RIT2: variants seen among roughly 807,000 people sequenced by gnomAD.
RIT2 encodes GTP-binding protein Rit2.
A neutral mutation model predicts 23.7 loss-of-function variants in RIT2; 24 were observed. The ratio of observed to expected loss-of-function variants is 1.01; its 90% CI spans 0.73 to 1.43. The LOEUF (loss-of-function observed/expected upper bound fraction) is 1.43. Among genes scored for constraint, RIT2 ranks in the 40% most tolerant of loss-of-function variants. RIT2 has a pLI of 0.00. For missense variants in RIT2, 236 were observed against 266.9 expected (o/e 0.88, Z 0.81); for synonymous variants, 107 against 91.1 (o/e 1.17, Z -0.99).
chr18:42,949,668 T>C (rs1224564550), intron 3 of RIT2, among the ~76,000 whole-genome samples: 1 of 152,124 alleles, frequency 6.6e-6, no homozygotes, highest in Non-Finnish European at 1.5e-5. Context: ...TCGTATTAGT[T>C]ACTCCACTTC....
At chr18:43,075,482 G>T (rs1912992684) in intron 1 of RIT2, among the ~76,000 whole-genome samples, 1 of 152,160 alleles carries the variant, frequency 6.6e-6, no homozygotes, top group Admixed American at 6.5e-5. Context: ...ACTGTGAGAG[G>T]CTTCGATACA....
chr18:42,803,169 G>A (rs778310081), intron 4 of RIT2, among the ~76,000 whole-genome samples: 10 of 152,102 alleles, frequency 6.6e-5, no homozygotes, highest in South Asian at 4.1e-4. Flanking sequence ...CGTATTTATC[G>A]TTAGTAAATT....
At chr18:42,881,572 G>A (rs920063881) in intron 4 of RIT2, among the ~76,000 whole-genome samples, 1 of 152,126 alleles carries the variant, frequency 6.6e-6, no homozygotes, top group African/African-American at 2.4e-5. Context: ...TGCATGAGGT[G>A]TTGTAGCAAA....
At chr18:43,109,024 T>A (rs2144250395) in intron 1 of RIT2, among the ~76,000 whole-genome samples, 1 of 152,354 alleles carries the variant, frequency 6.6e-6, no homozygotes, top group South Asian at 2.1e-4. Context: ...ATGATGCACT[T>A]GGTTGCTTGC....
intron 3 of RIT2, among the ~76,000 whole-genome samples, chr18:42,932,157 G>T (rs1038227019): frequency 1.2e-4 from 19 of 152,206 alleles, no homozygotes; most frequent in South Asian, 8.3e-4. Context: ...TGAGGAAAGT[G>T]GTCATTGGAG....
At chr18:42,762,239 T>C (rs1479370006) in intron 4 of RIT2, among the ~76,000 whole-genome samples, 2 of 152,214 alleles carry the variant, frequency 1.3e-5, no homozygotes, top group South Asian at 2.1e-4. Flanking sequence ...ATGGAAAATA[T>C]AGATCATGTC....
chr18:42,782,318 T>A (rs1202466689), intron 4 of RIT2, among the ~76,000 whole-genome samples: 2 of 152,170 alleles, frequency 1.3e-5, no homozygotes, highest in African/African-American at 4.8e-5. Context: ...TTCCTTAGTG[T>A]TATATAATAT....
intron 2 of RIT2, among the ~76,000 whole-genome samples, chr18:42,990,531 A>T (rs948159829): frequency 7.9e-5 from 12 of 152,126 alleles, no homozygotes; most frequent in African/African-American, 2.9e-4. Context: ...CTTCTACAAA[A>T]CCTTGGGCAT....
rs906699507 is a variant in RIT2, at chr18:42,968,403, A to G, written c.234+5671T>C. 3.3e-5 allele frequency among the ~76,000 whole-genome samples: 5 copies of G among 152,174 alleles called. No individual in the cohort carries two copies. The East Asian group carries it at 5.8e-4, about 18-fold the overall frequency. On this transcript the variant is annotated intron_variant, in intron 3 of 4. Transcript: ENST00000326695. Reference sequence around the variant, plus strand: ...GAAAATCAGGATTCATGCCAATCCTATTTGCAGTAATGTTAATAATAAATT... The same window carrying G: ...GAAAATCAGGATTCATGCCAATCCTGTTTGCAGTAATGTTAATAATAAATT...
chr18:42,910,122 G>A (rs1163762855), intron 4 of RIT2, among the ~76,000 whole-genome samples: 1 of 151,978 alleles, frequency 6.6e-6, no homozygotes, highest in East Asian at 1.9e-4. Context: ...CATCAAAATA[G>A]AATTCTAAAA....
rs1162402104 is a variant in RIT2, at chr18:43,103,239, A to AT, written c.103+12177dup. On this transcript the variant is annotated intron_variant, in intron 1 of 4. Transcript: ENST00000326695. ...AACTTTTAGAATATTGCTTAGTTTTATTTTACTACATATGCCCGGTGTCTT... is the reference window on the plus strand; with the variant it reads ...AACTTTTAGAATATTGCTTAGTTTTATTTTTACTACATATGCCCGGTGTCTT... Among the ~76,000 whole-genome samples, 9 of 152,082 alleles carry AT rather than the reference A, an allele frequency of 5.9e-5. No individual in the cohort carries two copies. The East Asian group carries it at 1.7e-3, about 29-fold the overall frequency.
At chr18:43,009,161 TAA>T (rs1182872875) in intron 2 of RIT2, among the ~76,000 whole-genome samples, 2 of 151,496 alleles carry the variant, frequency 1.3e-5, no homozygotes, top group African/African-American at 2.4e-5. Context: ...AAAACTTATC[TAA>T]AAAAACCGAA....
At chr18:43,025,440 C>A (rs1911693774) in intron 2 of RIT2, among the ~76,000 whole-genome samples, 1 of 151,818 alleles carries the variant, frequency 6.6e-6, no homozygotes, top group African/African-American at 2.4e-5. Flanking sequence ...GTATCTACTC[C>A]AAGGAAAATA....
intron 2 of RIT2, among the ~76,000 whole-genome samples, chr18:43,009,447 T>C (rs1410854354): frequency 6.6e-6 from 1 of 151,644 alleles, no homozygotes; most frequent in African/African-American, 2.4e-5. Context: ...AACAGACTTA[T>C]TTAAAGAGTT....
At chr18:42,951,557 A>T (rs2144173348) in intron 3 of RIT2, among the ~76,000 whole-genome samples, 1 of 151,968 alleles carries the variant, frequency 6.6e-6, no homozygotes, top group African/African-American at 2.4e-5. Flanking sequence ...AAACCTGCAA[A>T]TGTACCCACT....
chr18:43,015,760 T>C (rs1911459529), intron 2 of RIT2, among the ~76,000 whole-genome samples: 1 of 151,644 alleles, frequency 6.6e-6, no homozygotes, highest in Non-Finnish European at 1.5e-5. Flanking sequence ...GGGATTATGT[T>C]GAAGAAGACA....
intron 2 of RIT2, among the ~76,000 whole-genome samples, chr18:43,007,972 A>G (rs1441380663): frequency 6.6e-6 from 1 of 151,670 alleles, no homozygotes; most frequent in African/African-American, 2.4e-5. Flanking sequence ...GAAACTAAGC[A>G]TTGATTATCA....
chr18:43,078,906 G>T (rs1913088967), intron 1 of RIT2, among the ~76,000 whole-genome samples: 1 of 152,156 alleles, frequency 6.6e-6, no homozygotes, highest in African/African-American at 2.4e-5. Context: ...GCGGGAAAAG[G>T]AGCAGGGACA....
At chr18:42,744,959 G>A (rs941410922) in intron 4 of RIT2, among the ~76,000 whole-genome samples, 1 of 152,206 alleles carries the variant, frequency 6.6e-6, no homozygotes, top group Non-Finnish European at 1.5e-5. Context: ...CAGGGACCGT[G>A]TCTGTCTCAC....
Sources: allele counts gnomAD v4.1 joint callset (sites outside exome capture counted in the v4.1 genomes callset), GRCh38; gene constraint gnomAD v4.1.1; transcripts MANE v1.5; gene names NCBI Gene and HGNC (gene_info 2026-07-23, HGNC 2026-07-21).